Variants in ITPK1 observed in about 807,000 individuals in gnomAD.
ITPK1 encodes inositol 1,3,4-trisphosphate 5/6-kinase.
A neutral mutation model predicts 45.3 loss-of-function variants in ITPK1; 21 were observed. That is an observed-to-expected ratio of 0.46 (90% CI 0.33 to 0.67). The LOEUF (loss-of-function observed/expected upper bound fraction) is 0.67, where lower values mean the gene tolerates loss of function less well. Ranked by LOEUF, ITPK1 falls within the 30% of genes least tolerant of loss-of-function variation. The pLI is 0.02. For missense variants in ITPK1, 474 were observed against 573.5 expected (o/e 0.83, Z 1.77); for synonymous variants, 258 against 253.6 (o/e 1.02, Z -0.16).
intron 5 of ITPK1, among the ~76,000 whole-genome samples, chr14:92,987,925 G>A (rs1649796189): frequency 1.3e-5 from 2 of 152,180 alleles, no homozygotes; most frequent in Non-Finnish European, 1.5e-5. Context: ...GGTCCCAGCT[G>A]CCGCCTCATG....
chr14:92,976,302 T>C (rs1289872259), intron 5 of ITPK1, among the ~76,000 whole-genome samples: 1 of 152,212 alleles, frequency 6.6e-6, no homozygotes, highest in Non-Finnish European at 1.5e-5. Flanking sequence ...CCCTTGAATG[T>C]GAACTGGCCC....
intron 3 of ITPK1, among the ~76,000 whole-genome samples, chr14:93,047,048 G>A (rs1034738464): frequency 6.6e-6 from 1 of 152,234 alleles, no homozygotes; most frequent in Admixed American, 6.5e-5. Context: ...AGAGGGGACC[G>A]AACTGGGAGA....
chr14:92,942,042 C>G, intron 10 of ITPK1, 138 bp from the exon 11 acceptor site: 1 of 757,230 alleles, frequency 1.3e-6, no homozygotes, highest in Non-Finnish European at 2.1e-6. Context: ...ACAGAGAAAA[C>G]GTGAGGCTCA....
In ITPK1 at chr14:92,971,503, C is replaced by T. The variant is rs138346053; in HGVS notation, c.365-8654G>A. Reference sequence around the variant, plus strand: ...CACTAGCAGGTGTGCATGAAAAACTCGCCGTACTATTGTCGTCATCACCTG... The same window carrying T: ...CACTAGCAGGTGTGCATGAAAAACTTGCCGTACTATTGTCGTCATCACCTG... On this transcript the variant is annotated intron_variant, in intron 5 of 10. Transcript: ENST00000267615. Among the ~76,000 whole-genome samples the T allele has an allele frequency of 9.9e-3, 1,515 of 152,314 alleles. 16 individuals are homozygous for T. The highest frequency in any genetic ancestry group is 0.024 in the Middle Eastern group (7 of 294).
intron 3 of ITPK1, chr14:93,071,222 T>C (rs1890988167): frequency 6.5e-6 from 1 of 153,504 alleles, no homozygotes; most frequent in South Asian, 2.1e-4. Flanking sequence ...CATCATCACG[T>C]GGCCCAACAG....
chr14:92,943,585 G>C (rs1595072011), intron 10 of ITPK1, among the ~76,000 whole-genome samples: 1 of 152,230 alleles, frequency 6.6e-6, no homozygotes, highest in Admixed American at 6.5e-5. Context: ...CAGCGCCAGG[G>C]AACAGGGAGC....
At chr14:93,022,019 G>A (rs1420047416) in intron 3 of ITPK1, among the ~76,000 whole-genome samples, 3 of 152,342 alleles carry the variant, frequency 2.0e-5, no homozygotes, top group Admixed American at 6.5e-5. Context: ...AATGGCCTGA[G>A]GATGGTGCTA....
intron 2 of ITPK1, among the ~76,000 whole-genome samples, chr14:93,079,899 C>A (rs1474947042): frequency 6.6e-6 from 1 of 152,176 alleles, no homozygotes; most frequent in African/African-American, 2.4e-5. Flanking sequence ...GCTCCATGAT[C>A]CCACCTCATC....
chr14:92,938,645 A>C lies in ITPK1; in HGVS notation c.*2916T>G, dbSNP rs945826906. On this transcript the variant is annotated 3_prime_UTR_variant, in exon 11 of 11. Transcript: ENST00000267615. ...AACCTGCCAGGTTGCAGCTGGGTCC[A>C]ATCCCGCCGGCCATGCTGGGTGACT... The C allele has an allele frequency of 7.4e-6, 6 of 808,672 alleles. No homozygotes were observed. The highest frequency in any genetic ancestry group is 5.1e-5 in the African/African-American group (3 of 58,984). The allele number at this position is 808,672 out of a possible 1,614,324, so 50.1% of individuals were successfully genotyped here.
chr14:93,113,768 AGGGAAACCGGCCT>A (rs1892836598), intron 2 of ITPK1, among the ~76,000 whole-genome samples: 1 of 152,176 alleles, frequency 6.6e-6, no homozygotes, highest in African/African-American at 2.4e-5. Context: ...CCTGTCTTCT[AGGGAAACCGGCCT>A]GGGAGAAGGC....
chr14:93,072,690 C>T (rs1258814371), intron 3 of ITPK1, among the ~76,000 whole-genome samples: 11 of 150,988 alleles, frequency 7.3e-5, no homozygotes, highest in Non-Finnish European at 1.5e-4. Flanking sequence ...TCTCAGTTCA[C>T]TGCAGCCTCG....
In ITPK1 at chr14:92,943,273, G is replaced by A. The variant is rs180746530; in HGVS notation, c.902-1369C>T. On this transcript the variant is annotated intron_variant, in intron 10 of 10. Coordinates refer to ENST00000267615, the MANE Select transcript of ITPK1 (RefSeq NM_014216.6). ...GACGTCCATGGCGTTCACAGCACTC[G>A]GGAAGTAGCAGCCACTGGGCTGTGA... 8.8e-4 allele frequency among the ~76,000 whole-genome samples: 134 copies of A among 152,360 alleles called. 1 individual carries two copies. Among genetic ancestry groups the A allele is most frequent in the Non-Finnish European group, 5.1e-4 (35 of 68,034 alleles).
rs147625288 is a variant in ITPK1, at chr14:92,941,022, C to T, written c.*539G>A. 9.3e-4 allele frequency: 1,158 copies of T among 1,249,426 alleles called. 14 individuals are homozygous for T. In the African/African-American group the frequency reaches 0.015, roughly 16 times the overall value. The allele number at this position is 1,249,426 out of a possible 1,614,324, so 77.4% of individuals were successfully genotyped here. On this transcript the variant is annotated 3_prime_UTR_variant, in exon 11 of 11. Coordinates refer to ENST00000267615, the MANE Select transcript of ITPK1 (RefSeq NM_014216.6). ...GCTGTGGGGAGGGAGGGGTTAGCTG[C>T]ACACCAGGCAGGGTGGGGGCTAACA... is the stretch of plus-strand genomic sequence containing the variant.
chr14:93,040,398 C>T (rs1365646170), intron 3 of ITPK1, among the ~76,000 whole-genome samples: 1 of 152,100 alleles, frequency 6.6e-6, no homozygotes, highest in African/African-American at 2.4e-5. Context: ...GGAGGAGAGG[C>T]GGTCTTGGTC....
At chr14:92,946,574 C>G in intron 9 of ITPK1, 81 bp from the exon 10 acceptor site, 1 of 1,368,196 alleles carries the variant, frequency 7.3e-7, no homozygotes, top group Non-Finnish European at 1.0e-6. Context: ...CCCACACCAG[C>G]TGCCACGAGG....
At chr14:92,957,020 T>C (rs1884771153) in intron 8 of ITPK1, among the ~76,000 whole-genome samples, 1 of 152,222 alleles carries the variant, frequency 6.6e-6, no homozygotes, top group South Asian at 2.1e-4. Flanking sequence ...GTTTCCAAAG[T>C]ATCCACGCTC....
At chr14:93,009,655 C>T (rs917857767) in intron 4 of ITPK1, among the ~76,000 whole-genome samples, 1 of 152,196 alleles carries the variant, frequency 6.6e-6, no homozygotes, top group Admixed American at 6.5e-5. Flanking sequence ...CAGCAGTCAT[C>T]GAGAGGCTGA....
chr14:93,016,660 C>T lies in ITPK1; in HGVS notation c.246+16G>A. 1 of 1,613,448 alleles carries T rather than the reference C, an allele frequency of 6.2e-7. No homozygotes were observed. On this transcript the variant is annotated intron_variant, in intron 4 of 10. Coordinates refer to ENST00000267615, the MANE Select transcript of ITPK1 (RefSeq NM_014216.6). The surrounding 1 kb of genome is among the most constrained non-coding windows in gnomAD (Gnocchi z 5.0). The stretch of plus-strand genomic sequence containing the variant: ...CTGAAAATGCCACAGCCAAGGGCTG[C>T]ATGGTCCTCACTCACCTGGAACCTG...
chr14:92,943,922 G>A (rs1462226728), intron 10 of ITPK1, among the ~76,000 whole-genome samples: 1 of 152,232 alleles, frequency 6.6e-6, no homozygotes, highest in Non-Finnish European at 1.5e-5. Flanking sequence ...GCTGAGAGGT[G>A]GAAAGGCTGG....
Sources: allele counts gnomAD v4.1 joint callset (sites outside exome capture counted in the v4.1 genomes callset), GRCh38; gene constraint gnomAD v4.1.1; non-coding constraint Gnocchi (gnomAD v3.1); transcripts MANE v1.5; gene names NCBI Gene and HGNC (gene_info 2026-07-23, HGNC 2026-07-21).